CADM2: variants seen among roughly 807,000 people sequenced by gnomAD.
CADM2 encodes immunoglobulin superfamily member 4D.
In CADM2, 12 loss-of-function variants were observed where a neutral mutation model predicts 49.8. The observed-to-expected ratio is 0.24, with a 90% confidence interval of 0.15 to 0.39. CADM2 has a LOEUF of 0.39. CADM2 is among the 10% of genes least tolerant of loss of function. CADM2 has a pLI of 1.00. For missense variants in CADM2, 378 were observed against 492.3 expected, an observed-to-expected ratio of 0.77 and a Z score of 2.20; for synonymous variants, 214 against 175.4, an observed-to-expected ratio of 1.22 and a Z score of -1.74.
intron 1 of CADM2, among the ~76,000 whole-genome samples, chr3:85,004,326 A>G (rs2033620417): frequency 6.6e-6 from 1 of 152,126 alleles, no homozygotes; most frequent in Non-Finnish European, 1.5e-5. Context: ...CTATTCTCTT[A>G]TGGCCACACC....
At chr3:85,885,374 T>TA (rs1031241942) in intron 4 of CADM2, among the ~76,000 whole-genome samples, 1 of 149,418 alleles carries the variant, frequency 6.7e-6, no homozygotes, top group Non-Finnish European at 1.5e-5. Context: ...CCATCTCTAC[T>TA]AAAAAATACA....
chr3:85,749,387 T>C (rs2068766600), intron 2 of CADM2, among the ~76,000 whole-genome samples: 1 of 152,010 alleles, frequency 6.6e-6, no homozygotes, highest in Non-Finnish European at 1.5e-5. Flanking sequence ...ATAATTAGCG[T>C]GATAATTATT....
chr3:85,792,012 C>A (rs535422898), intron 2 of CADM2, among the ~76,000 whole-genome samples: 1 of 152,264 alleles, frequency 6.6e-6, no homozygotes. Context: ...CATAAGCCAC[C>A]GCGCCTGGCC....
At chr3:85,964,986 G>C (rs2324938) in intron 8 of CADM2, among the ~76,000 whole-genome samples, 4 of 151,262 alleles carry the variant, frequency 2.6e-5, no homozygotes, top group African/African-American at 7.3e-5. Context: ...TTCTTAACAT[G>C]TGAAGAACTA....
At chr3:85,348,180 C>T (rs2030957805) in intron 1 of CADM2, among the ~76,000 whole-genome samples, 1 of 152,146 alleles carries the variant, frequency 6.6e-6, no homozygotes, top group Non-Finnish European at 1.5e-5. Context: ...CTGCAATCCT[C>T]AGCCAATTGC....
chr3:85,061,508 A>G (rs532922286), intron 1 of CADM2, among the ~76,000 whole-genome samples: 23 of 152,322 alleles, frequency 1.5e-4, no homozygotes, highest in African/African-American at 5.3e-4. Flanking sequence ...TAGGACAGAC[A>G]TTTCAACATC....
chr3:86,064,026 C>G (rs1204572665), intron 8 of CADM2, among the ~76,000 whole-genome samples: 3 of 151,140 alleles, frequency 2.0e-5, no homozygotes, highest in African/African-American at 7.3e-5. Flanking sequence ...TTCTTTTGAC[C>G]TTTTCACTTC....
chr3:85,700,098 G>A (rs12633350), intron 1 of CADM2, among the ~76,000 whole-genome samples: 41,321 of 152,028 alleles, frequency 0.27, 8,188 homozygotes, highest in African/African-American at 0.56. Flanking sequence ...ACATCCATCA[G>A]TGATAGACTG....
intron 1 of CADM2, among the ~76,000 whole-genome samples, chr3:85,373,994 C>T (rs916286245): frequency 6.6e-5 from 10 of 152,106 alleles, no homozygotes; most frequent in Non-Finnish European, 1.0e-4. Context: ...TAGACATTTT[C>T]CCCATTACCT....
rs143356316 is a variant in CADM2, at chr3:85,312,523, G to T, written c.61+352855G>T. On this transcript the variant is annotated intron_variant, in intron 1 of 9. Coordinates refer to ENST00000383699, the MANE Select transcript of CADM2 (RefSeq NM_001167675.2). ...TTGATTTCATCATCTAGTTTGCTAT[G>T]AATTATCCATAGGAATGCATTTCTG... Among the ~76,000 whole-genome samples the T allele has an allele frequency of 4.8e-3, 737 of 152,128 alleles. 5 individuals carry two copies. The highest frequency in any genetic ancestry group is 0.017 in the African/African-American group (701 of 41,508).
intron 1 of CADM2, among the ~76,000 whole-genome samples, chr3:84,984,514 C>T (rs1273645882): frequency 6.6e-6 from 1 of 151,466 alleles, no homozygotes; most frequent in East Asian, 1.9e-4. Context: ...AGTCTTTCAT[C>T]TTTACTACTG....
intron 7 of CADM2, among the ~76,000 whole-genome samples, chr3:85,938,385 G>C (rs1192002699): frequency 1.3e-5 from 2 of 152,026 alleles, no homozygotes; most frequent in African/African-American, 2.4e-5. Flanking sequence ...GAGTTAGTAG[G>C]TAGTAGGGAA....
At chr3:85,702,879 T>G (rs946430776) in intron 1 of CADM2, among the ~76,000 whole-genome samples, 21 of 152,286 alleles carry the variant, frequency 1.4e-4, no homozygotes, top group Non-Finnish European at 2.9e-4. Flanking sequence ...TCTTCAGTTC[T>G]TTTGACATGA....
chr3:85,976,634 G>C (rs1437292172), intron 8 of CADM2, among the ~76,000 whole-genome samples: 1 of 151,530 alleles, frequency 6.6e-6, no homozygotes, highest in Non-Finnish European at 1.5e-5. Context: ...GCTAGTAGTA[G>C]TTAAAAACAT....
intron 1 of CADM2, among the ~76,000 whole-genome samples, chr3:85,602,909 T>C (rs1025141345): frequency 6.6e-6 from 1 of 151,846 alleles, no homozygotes; most frequent in African/African-American, 2.4e-5. Context: ...TAGTTTCCAG[T>C]ATCACTTTTG....
chr3:86,033,636 G>A (rs1212284582), intron 8 of CADM2, among the ~76,000 whole-genome samples: 1 of 146,754 alleles, frequency 6.8e-6, no homozygotes, highest in African/African-American at 2.5e-5. Context: ...TTCCTTATGG[G>A]CTTCTGATCC....
chr3:85,264,304 A>G (rs1411067375), intron 1 of CADM2, among the ~76,000 whole-genome samples: 5 of 152,138 alleles, frequency 3.3e-5, no homozygotes, highest in Non-Finnish European at 2.9e-5. Context: ...CATGCTGATT[A>G]TGAGGCAATG....
At chr3:85,821,142 G>A (rs192157506) in intron 3 of CADM2, among the ~76,000 whole-genome samples, 149 of 152,166 alleles carry the variant, frequency 9.8e-4, no homozygotes, top group African/African-American at 3.0e-3. Flanking sequence ...GATTCCTCAC[G>A]CTTGCCTTTG....
chr3:85,145,691 T>G (rs2039717252), intron 1 of CADM2, among the ~76,000 whole-genome samples: 1 of 152,142 alleles, frequency 6.6e-6, no homozygotes, highest in African/African-American at 2.4e-5. Context: ...CAAATAGAAG[T>G]AATGGAATGG....
Sources: allele counts gnomAD v4.1 joint callset (sites outside exome capture counted in the v4.1 genomes callset), GRCh38; gene constraint gnomAD v4.1.1; transcripts MANE v1.5; gene names NCBI Gene and HGNC (gene_info 2026-07-23, HGNC 2026-07-21).